SLC25A53: variants seen among roughly 807,000 people sequenced by gnomAD.
SLC25A53 encodes solute carrier family 25 member 53, also known as mitochondrial carrier triple repeat protein 6.
In SLC25A53, 5 loss-of-function variants were observed where a neutral mutation model predicts 15.0. The ratio of observed to expected loss-of-function variants is 0.33; its 90% CI spans 0.17 to 0.70. SLC25A53 has a LOEUF of 0.70. Ranked by LOEUF, SLC25A53 falls within the 30% of genes least tolerant of loss-of-function variation. The pLI, the probability that SLC25A53 is intolerant of heterozygous loss-of-function variation, is 0.67. For synonymous variants in SLC25A53, 95 were observed against 100.0 expected, an observed-to-expected ratio of 0.95 and a Z score of 0.30; for missense variants, 216 against 241.6, an observed-to-expected ratio of 0.89 and a Z score of 0.70.
chrX:104,123,889 A>G (rs1401373628), intron 1 of SLC25A53, among the ~76,000 whole-genome samples: 1 of 110,627 alleles, frequency 9.0e-6, no homozygotes, highest in African/African-American at 3.4e-5. Flanking sequence ...AAAGGACATG[A>G]ACTCATCTTT....
At chrX:104,142,158 T>C (rs2075452412) in intron 1 of SLC25A53, among the ~76,000 whole-genome samples, 1 of 110,783 alleles carries the variant, frequency 9.0e-6, no homozygotes, top group African/African-American at 3.3e-5. Flanking sequence ...GGTGGGAGGA[T>C]TGTTTGAGCC....
rs1341719020 is a variant in SLC25A53, at chrX:104,100,505, C to T, written c.*3829G>A. The T allele has an allele frequency of 9.0e-6, 1 of 111,533 alleles. No individual in the cohort carries two copies. Among genetic ancestry groups the T allele is most frequent in the African/African-American group, 3.3e-5 (1 of 30,667 alleles). 9.2% of individuals were successfully genotyped at this position (111,533 alleles called of 1,213,427 possible). A position where few individuals can be genotyped will look rare whatever the true frequency, so the allele number is the denominator to read the frequency against. Reference sequence around the variant, plus strand: ...ATTGACATTTAAAATTACTTGAAAACGACTATGCCCTTAAATTTTGCTCAC... The same window carrying T: ...ATTGACATTTAAAATTACTTGAAAATGACTATGCCCTTAAATTTTGCTCAC... On this transcript the variant is annotated 3_prime_UTR_variant, in exon 2 of 2. Transcript: ENST00000594199.
intron 1 of SLC25A53, among the ~76,000 whole-genome samples, chrX:104,150,864 G>A (rs1267573375): frequency 9.0e-6 from 1 of 111,361 alleles, no homozygotes; most frequent in Non-Finnish European, 1.9e-5. Flanking sequence ...GTAATGCACT[G>A]AGCAATCAAC....
rs782523133 is a variant in SLC25A53, at chrX:104,105,204, T to A, written c.54A>T (p.Ala18=). 8.3e-7 allele frequency: 1 copy of A among 1,211,996 alleles called. No homozygotes were observed. Among genetic ancestry groups the A allele is most frequent in the Non-Finnish European group, 1.1e-6 (1 of 895,470 alleles). The part of the protein sequence containing the change: ...PGKELQHRTR[A]EAPGKKSWHS... ...GCCAGCTTTTCTTTCCTGGAGCCTC[T>A]GCTCGCGTCCTGTGCTGAAGCTCCT... The change falls in exon 2 of 2, where the codon GCA becomes GCT. Residue 18 remains alanine (A), a synonymous_variant. Transcript: ENST00000594199.
chrX:104,151,074 G>T (rs1276834656), intron 1 of SLC25A53, among the ~76,000 whole-genome samples: 1 of 111,785 alleles, frequency 8.9e-6, no homozygotes, highest in East Asian at 2.8e-4. Context: ...TCCTTAGACT[G>T]CCAGAAGCTA....
At position 104,127,309 on chromosome X, in the gene SLC25A53, CA is replaced by C. The variant is rs1229754838; in HGVS notation, c.-31-22022del. ...TCGAAATTAGAAAATTTTAGAGATACAGAACAGATTAATCATTGCCAGGGAG... is the reference window on the plus strand; with the variant it reads ...TCGAAATTAGAAAATTTTAGAGATACGAACAGATTAATCATTGCCAGGGAG... On this transcript the variant is annotated intron_variant, in intron 1 of 1. Coordinates refer to ENST00000594199, the MANE Select transcript of SLC25A53 (RefSeq NM_001012755.5). 2.7e-5 allele frequency among the ~76,000 whole-genome samples: 3 copies of C among 111,672 alleles called. No individual in the cohort carries two copies. In the East Asian group the frequency reaches 8.4e-4, roughly 31 times the overall value.
At chrX:104,148,734 A>G (rs1225841660) in intron 1 of SLC25A53, among the ~76,000 whole-genome samples, 1 of 111,180 alleles carries the variant, frequency 9.0e-6, no homozygotes, top group Non-Finnish European at 1.9e-5. Flanking sequence ...CCTAATGTAA[A>G]TGATGAGCTG....
At chrX:104,120,476 T>C (rs2075390137) in intron 1 of SLC25A53, among the ~76,000 whole-genome samples, 1 of 111,494 alleles carries the variant, frequency 9.0e-6, no homozygotes, top group Admixed American at 9.5e-5. Context: ...TAAATATTGG[T>C]TTAAATTTCA....
At position 104,136,707 on chromosome X, in the gene SLC25A53, G is replaced by C. The variant is rs146776986; in HGVS notation, c.-32+20171C>G. Among the ~76,000 whole-genome samples the C allele has an allele frequency of 3.0e-4, 34 of 112,230 alleles. No individual in the cohort carries two copies. The East Asian group carries it at 7.3e-3, about 24-fold the overall frequency. ...CTAGAAGGGAACAGCCTCGCTCAGTGAACTGTTTCGGAACTGCTCAAAGTT... is the reference window on the plus strand; with the variant it reads ...CTAGAAGGGAACAGCCTCGCTCAGTCAACTGTTTCGGAACTGCTCAAAGTT... On this transcript the variant is annotated intron_variant, in intron 1 of 1. Coordinates refer to ENST00000594199, the MANE Select transcript of SLC25A53 (RefSeq NM_001012755.5).
chrX:104,109,013 A>G (rs1556357251), intron 1 of SLC25A53, among the ~76,000 whole-genome samples: 1 of 112,097 alleles, frequency 8.9e-6, no homozygotes. Context: ...AGGTGGAAGC[A>G]AAAAGACAAC....
rs193094796 is a variant in SLC25A53, at chrX:104,141,141, T to A, written c.-32+15737A>T. Among the ~76,000 whole-genome samples, 37 of 111,831 alleles carry A rather than the reference T, an allele frequency of 3.3e-4. No homozygotes were observed. In the East Asian group the frequency reaches 8.2e-3, roughly 25 times the overall value. On this transcript the variant is annotated intron_variant, in intron 1 of 1. Coordinates refer to ENST00000594199, the MANE Select transcript of SLC25A53 (RefSeq NM_001012755.5). ...GAAATTACCCAAAAGCTTGCAGCGA[T>A]CTAAGGAGCATTTATTCAAGAAAAC...
intron 1 of SLC25A53, among the ~76,000 whole-genome samples, chrX:104,119,511 A>T (rs1188027497): frequency 8.9e-6 from 1 of 111,786 alleles, no homozygotes; most frequent in Admixed American, 9.5e-5. Context: ...AAATAAGAGA[A>T]GCAATAATAA....
rs1201686443 is a variant in SLC25A53 at position 104,101,364 on chromosome X, C to T, written c.*2970G>A. On this transcript the variant is annotated 3_prime_UTR_variant, in exon 2 of 2. Transcript: ENST00000594199. ...CTGGTGATCAACTTAACCTTCCATC[C>T]CTCTCCCCTCCCTGGAGGTCGGGAA... 1.8e-5 allele frequency: 2 copies of T among 111,536 alleles called. No individual in the cohort carries two copies. The highest frequency in any genetic ancestry group is 3.8e-5 in the Non-Finnish European group (2 of 53,135). 9.2% of individuals were successfully genotyped at this position (111,536 alleles called of 1,213,427 possible).
chrX:104,123,275 C>G (rs1465793850), intron 1 of SLC25A53, among the ~76,000 whole-genome samples: 1 of 112,839 alleles, frequency 8.9e-6, no homozygotes, highest in Admixed American at 9.4e-5. Flanking sequence ...TAAATTCTCT[C>G]AGGAACTGCC....
At chrX:104,152,631 T>C (rs180969444) in intron 1 of SLC25A53, among the ~76,000 whole-genome samples, 2 of 110,673 alleles carry the variant, frequency 1.8e-5, no homozygotes, top group Non-Finnish European at 3.8e-5. Context: ...AGAGACAGGG[T>C]TTCACCATGT....
intron 1 of SLC25A53, among the ~76,000 whole-genome samples, chrX:104,106,860 C>T (rs1556356320): frequency 1.8e-5 from 2 of 108,525 alleles, no homozygotes; most frequent in Non-Finnish European, 3.8e-5. Context: ...CATTCCTATC[C>T]CCACTGCTCC....
intron 1 of SLC25A53, chrX:104,114,203 G>C (rs1556360276): frequency 8.3e-7 from 1 of 1,206,527 alleles, no homozygotes; most frequent in Non-Finnish European, 1.1e-6. Context: ...TCTCTGGGGA[G>C]GAGTCTCTGT....
At chrX:104,137,429 C>A (rs1194036227) in intron 1 of SLC25A53, among the ~76,000 whole-genome samples, 1 of 110,438 alleles carries the variant, frequency 9.1e-6, no homozygotes, top group Non-Finnish European at 1.9e-5. Context: ...AGCCCTGCAC[C>A]CCCCAAGCCC....
At chrX:104,143,295 G>A (rs1396096380) in intron 1 of SLC25A53, among the ~76,000 whole-genome samples, 1 of 111,178 alleles carries the variant, frequency 9.0e-6, no homozygotes, top group Non-Finnish European at 1.9e-5. Context: ...GGGTAATAAC[G>A]AACTCCTCCA....
Sources: gnomAD v4.1 joint callset for allele counts (sites outside exome capture counted in the v4.1 genomes callset) on GRCh38, gnomAD v4.1.1 for gene constraint, MANE v1.5 for transcripts, NCBI Gene and HGNC (gene_info 2026-07-23, HGNC 2026-07-21) for gene names.